Variants in TNFRSF10C observed in about 807,000 individuals in gnomAD.
TNFRSF10C encodes tumor necrosis factor receptor superfamily member 10C.
TNFRSF10C carries 17 observed loss-of-function variants against 16.7 expected under a neutral mutation model. That is an observed-to-expected ratio of 1.02 (90% CI 0.70 to 1.53). TNFRSF10C has a LOEUF of 1.53. Ranked by LOEUF, TNFRSF10C falls within the 40% of genes most tolerant of loss-of-function variation. The probability of loss-of-function intolerance (pLI) is 0.00; values close to 1 mark genes in which losing one functional copy is unlikely to be tolerated. For synonymous variants in TNFRSF10C, 73 were observed against 119.7 expected, an observed-to-expected ratio of 0.61 and a Z score of 2.55; for missense variants, 237 against 329.7, an observed-to-expected ratio of 0.72 and a Z score of 2.18.
chr8:23,113,437 T>C (rs997408501), intron 2 of TNFRSF10C, among the ~76,000 whole-genome samples: 1 of 152,176 alleles, frequency 6.6e-6, no homozygotes, highest in Non-Finnish European at 1.5e-5. Flanking sequence ...TCAGATCTTA[T>C]GTTTTAATCT....
intron 1 of TNFRSF10C, 185 bp downstream of exon 1, chr8:23,103,366 G>T (rs1210017521): frequency 3.3e-5 from 35 of 1,046,436 alleles, no homozygotes; most frequent in Non-Finnish European, 4.9e-5. Flanking sequence ...GGAGGGACCC[G>T]GCCGCGAGGG....
chr8:23,106,026 T>A (rs1196452883), intron 1 of TNFRSF10C, among the ~76,000 whole-genome samples: 1 of 152,200 alleles, frequency 6.6e-6, no homozygotes, highest in Admixed American at 6.5e-5. Context: ...CCTTCGGCCT[T>A]GAGCTGAGGC....
Position 23,111,767 on chromosome 8 carries a change from G to T in TNFRSF10C, c.108G>T (p.Gln36His). The change falls in exon 2 of 5, where the codon CAG (glutamine) becomes CAT (histidine). Residue 36 changes from glutamine (Q) to histidine (H), a missense_variant. Gln to His is a conservative substitution (Grantham distance 24, BLOSUM62 0). Coordinates refer to ENST00000356864, the MANE Select transcript of TNFRSF10C (RefSeq NM_003841.5). ...ATTARQEEVP[Q>H]QTVAPQQQRH... is the part of the protein sequence containing the mutation. ...CTGCCCGGCAGGAGGAAGTTCCCCA[G>T]CAGACAGTGGCCCCACAGCAACAGA... 1 of 1,614,152 alleles carries T rather than the reference G, an allele frequency of 6.2e-7. No individual in the cohort carries two copies. The highest frequency in any genetic ancestry group is 1.1e-5 in the South Asian group (1 of 91,086).
chr8:23,114,164 C>A (rs1427417223), intron 2 of TNFRSF10C, among the ~76,000 whole-genome samples: 1 of 151,960 alleles, frequency 6.6e-6, no homozygotes, highest in African/African-American at 2.4e-5. Context: ...ATGAGAACCC[C>A]AGGTTTCGGG....
At chr8:23,109,377 T>C (rs1164449432) in intron 1 of TNFRSF10C, among the ~76,000 whole-genome samples, 8 of 151,996 alleles carry the variant, frequency 5.3e-5, no homozygotes, top group African/African-American at 1.4e-4. Context: ...GTGGCTCACA[T>C]CTGTAATTCC....
Position 23,117,233 on chromosome 8 carries a change from C to A in TNFRSF10C, c.*202C>A. The A allele has an allele frequency of 1.3e-6, 1 of 779,420 alleles. No homozygotes were observed. Among genetic ancestry groups the A allele is most frequent in the Non-Finnish European group, 2.0e-6 (1 of 499,538 alleles). The allele number at this position is 779,420 out of a possible 1,614,324, so 48.3% of individuals were successfully genotyped here. A position where few individuals can be genotyped will look rare whatever the true frequency, so the allele number is the denominator to read the frequency against. On this transcript the variant is annotated 3_prime_UTR_variant, in exon 5 of 5. Transcript: ENST00000356864. ...TTGTGATCGTCCCATCCCCACATCC[C>A]GTGCACCCCCCAGGACCCTGGTCTC...
intron 1 of TNFRSF10C, among the ~76,000 whole-genome samples, chr8:23,106,857 G>A (rs1363450413): frequency 1.3e-5 from 2 of 151,890 alleles, no homozygotes; most frequent in Admixed American, 6.6e-5. Flanking sequence ...TGTGGTGGCG[G>A]GTGCCTGTAG....
chr8:23,103,215 A>C (rs1272421629), intron 1 of TNFRSF10C, 34 bp downstream of exon 1: 1 of 1,599,938 alleles, frequency 6.3e-7, no homozygotes, highest in African/African-American at 1.3e-5. Flanking sequence ...GCTGGGGAAG[A>C]GCGCACCTGG....
Position 23,114,782 on chromosome 8 carries a change from G to A in TNFRSF10C, c.280+12G>A. 1.2e-6 allele frequency: 2 copies of A among 1,609,298 alleles called. No individual in the cohort carries two copies. The highest frequency in any genetic ancestry group is 1.7e-6 in the Non-Finnish European group (2 of 1,175,596). ...AGTTTGTAAATCAGGTACAGAATGT[G>A]TGGACCTCTTGTCCAGAGGTGGAGC... is the stretch of plus-strand genomic sequence containing the variant. On this transcript the variant is annotated intron_variant, in intron 3 of 4. Coordinates refer to ENST00000356864, the MANE Select transcript of TNFRSF10C (RefSeq NM_003841.5).
At chr8:23,103,475 G>T in intron 1 of TNFRSF10C, 1 of 560,012 alleles carries the variant, frequency 1.8e-6, no homozygotes, top group Non-Finnish European at 3.2e-6. Context: ...CATAGAGTGA[G>T]CCTCCTGAAG....
intron 2 of TNFRSF10C, among the ~76,000 whole-genome samples, chr8:23,113,481 G>A (rs1813918925): frequency 6.6e-6 from 1 of 152,248 alleles, no homozygotes; most frequent in African/African-American, 2.4e-5. Flanking sequence ...TACATATGAT[G>A]TGAGATAAAG....
intron 2 of TNFRSF10C, among the ~76,000 whole-genome samples, chr8:23,112,728 C>T (rs1004816839): frequency 1.3e-5 from 2 of 152,308 alleles, no homozygotes; most frequent in Admixed American, 6.5e-5. Flanking sequence ...TCCATGGACA[C>T]GTAGGTTGAT....
chr8:23,110,855 T>C (rs1215210688), intron 1 of TNFRSF10C, among the ~76,000 whole-genome samples: 1 of 152,332 alleles, frequency 6.6e-6, no homozygotes, highest in African/African-American at 2.4e-5. Flanking sequence ...AATTCACCTA[T>C]TGGTCAATTA....
At chr8:23,109,381 TA>T (rs1420602364) in intron 1 of TNFRSF10C, among the ~76,000 whole-genome samples, 1 of 152,096 alleles carries the variant, frequency 6.6e-6, no homozygotes, top group East Asian at 1.9e-4. Context: ...CTCACATCTG[TA>T]ATTCCAGCAC....
At position 23,105,214 on chromosome 8, in the gene TNFRSF10C, G is replaced by A. The variant is rs1039808997; in HGVS notation, c.60+2033G>A. ...CCTCTGGCTCTGTGACTCTGGTGTG[G>A]CCCCAGCTCCTGCCTGTAAAGTGAA... On this transcript the variant is annotated intron_variant, in intron 1 of 4. Coordinates refer to ENST00000356864, the MANE Select transcript of TNFRSF10C (RefSeq NM_003841.5). Among the ~76,000 whole-genome samples, 4 of 152,178 alleles carry A rather than the reference G, an allele frequency of 2.6e-5. No homozygotes were observed. In the East Asian group the frequency reaches 7.7e-4, roughly 29 times the overall value.
rs367809672 is a variant in TNFRSF10C at position 23,115,635 on chromosome 8, G to A, written c.389+19G>A. 5 of 1,600,654 alleles carry A rather than the reference G, an allele frequency of 3.1e-6. No homozygotes were observed. In the East Asian group the frequency reaches 1.1e-4, roughly 36 times the overall value. ...GTAGCAGGTGAGACAGCAGTCAGGGGCTCCTGACAGCTTTCAGGAACCCGA... is the reference window on the plus strand; with the variant it reads ...GTAGCAGGTGAGACAGCAGTCAGGGACTCCTGACAGCTTTCAGGAACCCGA... On this transcript the variant is annotated intron_variant, in intron 4 of 4. Transcript: ENST00000356864.
intron 1 of TNFRSF10C, among the ~76,000 whole-genome samples, chr8:23,105,556 C>T (rs1300196542): frequency 6.6e-6 from 1 of 152,238 alleles, no homozygotes; most frequent in Non-Finnish European, 1.5e-5. Context: ...TGCCATGCTT[C>T]CAGTTGTCCT....
chr8:23,114,627 T>C, intron 2 of TNFRSF10C, 30 bp from the exon 3 acceptor site: 1 of 1,567,746 alleles, frequency 6.4e-7, no homozygotes, highest in East Asian at 2.2e-5. Flanking sequence ...CTGTGGTGAC[T>C]CATTCATTGG....
At chr8:23,106,810 C>A (rs1421352678) in intron 1 of TNFRSF10C, among the ~76,000 whole-genome samples, 10 of 152,002 alleles carry the variant, frequency 6.6e-5, no homozygotes, top group African/African-American at 1.9e-4. Flanking sequence ...CACAGTGAAA[C>A]CCCGTCTCTA....
Sources: gnomAD v4.1 joint callset for allele counts (sites outside exome capture counted in the v4.1 genomes callset) on GRCh38, gnomAD v4.1.1 for gene constraint, MANE v1.5 for transcripts, NCBI Gene and HGNC (gene_info 2026-07-23, HGNC 2026-07-21) for gene names.